Variants in ADCY2 observed in about 807,000 individuals in gnomAD.
The protein encoded by ADCY2 is adenylate cyclase type 2.
Under a neutral mutation model 125.2 loss-of-function variants are expected in ADCY2, and 31 were observed. That is an observed-to-expected ratio of 0.25 (90% CI 0.19 to 0.33). The LOEUF is 0.33. ADCY2 is among the 10% of genes least tolerant of loss of function. ADCY2 has a pLI of 1.00. For missense variants in ADCY2, 904 were observed against 1,418.2 expected (o/e 0.64, Z 5.82); for synonymous variants, 512 against 548.4 (o/e 0.93, Z 0.93).
At chr5:7,517,899 T>C (rs1561069906) in intron 2 of ADCY2, among the ~76,000 whole-genome samples, 1 of 152,224 alleles carries the variant, frequency 6.6e-6, no homozygotes, top group Non-Finnish European at 1.5e-5. Flanking sequence ...GAAGCAAATA[T>C]GTAATCATAA....
intron 4 of ADCY2, among the ~76,000 whole-genome samples, chr5:7,631,813 C>T (rs1376524990): frequency 6.6e-6 from 1 of 152,172 alleles, no homozygotes; most frequent in Admixed American, 6.5e-5. Flanking sequence ...GAAGATTGAA[C>T]AGAGGAGTCT....
At chr5:7,420,452 G>A (rs1335773626) in intron 2 of ADCY2, among the ~76,000 whole-genome samples, 1 of 152,134 alleles carries the variant, frequency 6.6e-6, no homozygotes, top group Non-Finnish European at 1.5e-5. Context: ...TTTGGGAGGA[G>A]TCACTGGGAA....
intron 14 of ADCY2, among the ~76,000 whole-genome samples, chr5:7,739,229 C>T (rs953649892): frequency 1.3e-4 from 20 of 151,742 alleles, no homozygotes; most frequent in African/African-American, 1.4e-4. Flanking sequence ...TATAGTCTGA[C>T]GTCTAACCAC....
intron 3 of ADCY2, among the ~76,000 whole-genome samples, chr5:7,539,734 A>G (rs997073382): frequency 6.6e-6 from 1 of 152,232 alleles, no homozygotes; most frequent in Non-Finnish European, 1.5e-5. Context: ...GTAGGTGGCT[A>G]CTACTCAGCT....
rs78652795 is a variant in ADCY2 at position 7,592,971 on chromosome 5, T to C, written c.571-33196T>C. On this transcript the variant is annotated intron_variant, in intron 3 of 24. Transcript: ENST00000338316. ...GTGCGATTTACCATGTTGTATGTGATAGAATGCATAGCTTGAGGTTTTATG... is the reference window on the plus strand; with the variant it reads ...GTGCGATTTACCATGTTGTATGTGACAGAATGCATAGCTTGAGGTTTTATG... Among the ~76,000 whole-genome samples, 3 of 152,312 alleles carry C rather than the reference T, an allele frequency of 2.0e-5. No homozygotes were observed. The East Asian group carries it at 5.8e-4, about 29-fold the overall frequency.
chr5:7,813,139 G>T (rs957043379), intron 22 of ADCY2, among the ~76,000 whole-genome samples: 5 of 152,190 alleles, frequency 3.3e-5, no homozygotes, highest in Admixed American at 3.3e-4. Flanking sequence ...GAAGTCTGAT[G>T]AGATCTCCTA....
chr5:7,730,675 C>G (rs1178049276), intron 14 of ADCY2, among the ~76,000 whole-genome samples: 1 of 152,076 alleles, frequency 6.6e-6, no homozygotes, highest in Admixed American at 6.5e-5. Flanking sequence ...TCTAGGTTAA[C>G]TTTTATTTTC....
intron 3 of ADCY2, among the ~76,000 whole-genome samples, chr5:7,525,256 C>G (rs1480800441): frequency 6.6e-6 from 1 of 152,206 alleles, no homozygotes; most frequent in East Asian, 1.9e-4. Context: ...ATCCGCCAGC[C>G]TTGGCCTTCC....
chr5:7,482,767 G>GATATATATATATATATATATATATAT (rs140354609), intron 2 of ADCY2, among the ~76,000 whole-genome samples: 5 of 119,438 alleles, frequency 4.2e-5, no homozygotes, highest in South Asian at 2.6e-4. Flanking sequence ...AAGAAAATGT[G>GATATATATATATATATATATATATAT]ATATATATAT....
chr5:7,773,995 T>C (rs1365096135), intron 18 of ADCY2, among the ~76,000 whole-genome samples: 1 of 152,258 alleles, frequency 6.6e-6, no homozygotes, highest in African/African-American at 2.4e-5. Flanking sequence ...CTAGGAGTGC[T>C]TGGCACTGTC....
At chr5:7,470,389 T>C (rs1356551014) in intron 2 of ADCY2, among the ~76,000 whole-genome samples, 1 of 151,500 alleles carries the variant, frequency 6.6e-6, no homozygotes, top group African/African-American at 2.4e-5. Flanking sequence ...TGTTTAGCTC[T>C]TTTAGAATTA....
intron 4 of ADCY2, among the ~76,000 whole-genome samples, chr5:7,656,400 A>G (rs1223978059): frequency 6.6e-6 from 1 of 152,216 alleles, no homozygotes; most frequent in Non-Finnish European, 1.5e-5. Context: ...CATTGATCCT[A>G]TGCTGATTCT....
chr5:7,601,941 A>G (rs1339407161), intron 3 of ADCY2, among the ~76,000 whole-genome samples: 2 of 152,170 alleles, frequency 1.3e-5, no homozygotes, highest in Non-Finnish European at 2.9e-5. Context: ...CAGCAGGGCC[A>G]TGTTCCCTCT....
chr5:7,645,905 A>G (rs1261346410), intron 4 of ADCY2, among the ~76,000 whole-genome samples: 2 of 152,238 alleles, frequency 1.3e-5, no homozygotes, highest in Non-Finnish European at 2.9e-5. Context: ...TTGTCAAAAA[A>G]CAATAAAGCA....
chr5:7,494,592 A>G (rs933934215), intron 2 of ADCY2, among the ~76,000 whole-genome samples: 1 of 152,080 alleles, frequency 6.6e-6, no homozygotes, highest in Non-Finnish European at 1.5e-5. Flanking sequence ...CCTGTTTCCA[A>G]GGGCTCCTCC....
intron 5 of ADCY2, among the ~76,000 whole-genome samples, chr5:7,693,626 T>C (rs979181827): frequency 1.3e-5 from 2 of 152,172 alleles, no homozygotes; most frequent in Non-Finnish European, 2.9e-5. Context: ...GTTCGCCATG[T>C]TGGCCAGGCT....
At chr5:7,563,465 G>A (rs188381962) in intron 3 of ADCY2, among the ~76,000 whole-genome samples, 18 of 152,122 alleles carry the variant, frequency 1.2e-4, no homozygotes, top group African/African-American at 3.9e-4. Flanking sequence ...AAAGGCACTC[G>A]TTTTTTTGGA....
intron 2 of ADCY2, among the ~76,000 whole-genome samples, chr5:7,482,953 G>T (rs912256426): frequency 6.6e-6 from 1 of 151,800 alleles, no homozygotes; most frequent in African/African-American, 2.4e-5. Flanking sequence ...TCTTATGTGG[G>T]AGCTAAAAAC....
At position 7,397,445 on chromosome 5, in the gene ADCY2, G is replaced by GTTTTT. The variant is rs767411861; in HGVS notation, c.210+963_210+967dup. The stretch of plus-strand genomic sequence containing the variant: ...CGAGGCATTGATTATCCACCAGTGA[G>GTTTTT]TTTTTTTTTTTTTTTTTTTTTTTTT... On this transcript the variant is annotated intron_variant, in intron 1 of 24. Transcript: ENST00000338316. 3.5e-3 allele frequency among the ~76,000 whole-genome samples: 244 copies of GTTTTT among 70,074 alleles called. 29 individuals are homozygous for GTTTTT. Among genetic ancestry groups the GTTTTT allele is most frequent in the African/African-American group, 0.011 (217 of 19,680 alleles). The allele number at this position is 70,074 out of a possible 152,430, so 46.0% of individuals were successfully genotyped here.
Sources: allele counts gnomAD v4.1 joint callset (sites outside exome capture counted in the v4.1 genomes callset), GRCh38; gene constraint gnomAD v4.1.1; transcripts MANE v1.5; gene names NCBI Gene and HGNC (gene_info 2026-07-23, HGNC 2026-07-21).